Variants in MYO5C observed in about 807,000 individuals in gnomAD.
MYO5C encodes unconventional myosin-Vc.
MYO5C carries 194 observed loss-of-function variants against 235.7 expected under a neutral mutation model. The ratio of observed to expected loss-of-function variants is 0.82; its 90% confidence interval spans 0.73 to 0.93. The LOEUF (loss-of-function observed/expected upper bound fraction) is 0.93, where lower values mean the gene tolerates loss of function less well. MYO5C is among the 40% of genes least tolerant of loss of function. The pLI is 0.00. For missense variants in MYO5C, 2,038 were observed against 2,127.2 expected, an observed-to-expected ratio of 0.96 and a Z score of 0.82; for synonymous variants, 707 against 754.8, an observed-to-expected ratio of 0.94 and a Z score of 1.04.
Position 52,245,150 on chromosome 15 carries a change from G to A in MYO5C, c.2178+204C>T, listed in dbSNP as rs182747935. ...GAGGACACTGGGGAGGCCGGAGTTC[G>A]GATGTGGGTCCCTAACGGGGACTCA... On this transcript the variant is annotated intron_variant, in intron 18 of 40. Transcript: ENST00000261839. Among the ~76,000 whole-genome samples the A allele has an allele frequency of 2.5e-3, 382 of 152,302 alleles. 1 individual carries two copies. The highest frequency in any genetic ancestry group is 8.9e-3 in the African/African-American group (370 of 41,568).
chr15:52,238,567 G>A (rs1023916196), intron 21 of MYO5C, among the ~76,000 whole-genome samples: 2 of 152,222 alleles, frequency 1.3e-5, no homozygotes, highest in Admixed American at 6.5e-5. Flanking sequence ...GAGTTTTACG[G>A]ATCTAGACAC....
intron 38 of MYO5C, 84 bp from the exon 39 acceptor site, chr15:52,196,567 C>T (rs952113760): frequency 6.0e-6 from 8 of 1,329,566 alleles, no homozygotes; most frequent in East Asian, 2.3e-5. Context: ...TACCAGAGTT[C>T]GCTGAGATCC....
chr15:52,211,510 C>T (rs978583200), intron 35 of MYO5C, among the ~76,000 whole-genome samples: 3 of 152,182 alleles, frequency 2.0e-5, no homozygotes, highest in African/African-American at 7.2e-5. Flanking sequence ...GCAGTGGCTA[C>T]CAGGTTGCAG....
At chr15:52,241,379 C>T (rs1040760497) in intron 20 of MYO5C, among the ~76,000 whole-genome samples, 1 of 151,484 alleles carries the variant, frequency 6.6e-6, no homozygotes, top group African/African-American at 2.4e-5. Flanking sequence ...CCTGCCTCAG[C>T]CTCCCGAGCA....
intron 38 of MYO5C, among the ~76,000 whole-genome samples, chr15:52,199,424 G>A (rs1296966893): frequency 3.9e-5 from 6 of 152,180 alleles, no homozygotes; most frequent in Non-Finnish European, 4.4e-5. Context: ...AATGCATTCG[G>A]CAGCTATTTG....
intron 24 of MYO5C, among the ~76,000 whole-genome samples, chr15:52,229,938 T>C (rs1399266818): frequency 6.6e-6 from 1 of 151,518 alleles, no homozygotes; most frequent in Admixed American, 6.6e-5. Context: ...CCGGGTTCCA[T>C]GCAGTCCCCT....
intron 40 of MYO5C, 111 bp from the exon 41 acceptor site, chr15:52,194,165 C>G: frequency 1.0e-6 from 1 of 983,932 alleles, no homozygotes. Context: ...GCTCCTTGCA[C>G]CATCACATGA....
intron 1 of MYO5C, among the ~76,000 whole-genome samples, chr15:52,291,756 T>TTTTTTTTTTTTTTA (rs2037399411): frequency 7.7e-6 from 1 of 129,618 alleles, no homozygotes; most frequent in African/African-American, 3.0e-5. Context: ...TTTTTTTTTT[T>TTTTTTTTTTTTTTA]GAGACAGGGT....
intron 22 of MYO5C, 180 bp downstream of exon 22, chr15:52,237,302 C>G: frequency 1.5e-6 from 1 of 666,842 alleles, no homozygotes; most frequent in Non-Finnish European, 2.5e-6. Flanking sequence ...CTCCCTTCCC[C>G]TAGACTCTAA....
At chr15:52,254,771 A>G (rs1162469897) in intron 11 of MYO5C, among the ~76,000 whole-genome samples, 1 of 152,162 alleles carries the variant, frequency 6.6e-6, no homozygotes, top group Non-Finnish European at 1.5e-5. Context: ...GACATCTGGT[A>G]TAAGTGTCAC....
At position 52,193,234 on chromosome 15, in the gene MYO5C, A is replaced by G. The variant is rs2034973107; in HGVS notation, c.*668T>C. The G allele has an allele frequency of 6.7e-6, 1 of 149,842 alleles. No homozygotes were observed. Among genetic ancestry groups the G allele is most frequent in the Non-Finnish European group, 1.5e-5 (1 of 67,774 alleles). The allele number at this position is 149,842 out of a possible 1,614,324, so 9.3% of individuals were successfully genotyped here. A position where few individuals can be genotyped will look rare whatever the true frequency, so the allele number is the denominator to read the frequency against. On this transcript the variant is annotated 3_prime_UTR_variant, in exon 41 of 41. Coordinates refer to ENST00000261839, the MANE Select transcript of MYO5C (RefSeq NM_018728.4). Reference sequence around the variant, plus strand: ...AGGCTGAGGCAGGAGAATTGTTTGAACCCAGGAAGCGGAGGTTGCAATAAG... The same window carrying G: ...AGGCTGAGGCAGGAGAATTGTTTGAGCCCAGGAAGCGGAGGTTGCAATAAG...
At position 52,237,259 on chromosome 15, in the gene MYO5C, A is replaced by C. The variant is rs186612051; in HGVS notation, c.2868+223T>G. 44 of 440,586 alleles carry C rather than the reference A, an allele frequency of 1.0e-4. 1 individual carries two copies. The highest frequency in any genetic ancestry group is 7.9e-4 in the African/African-American group (39 of 49,360). The allele number at this position is 440,586 out of a possible 1,614,324, so 27.3% of individuals were successfully genotyped here. On this transcript the variant is annotated intron_variant, in intron 22 of 40. Coordinates refer to ENST00000261839, the MANE Select transcript of MYO5C (RefSeq NM_018728.4). Reference sequence around the variant, plus strand: ...TTTGCAAAACTTGAAAGAAAGAGAAAACCTATGTTGCATTTCTCTCATTAT... The same window carrying C: ...TTTGCAAAACTTGAAAGAAAGAGAACACCTATGTTGCATTTCTCTCATTAT...
At chr15:52,272,533 T>C (rs2036946729) in intron 6 of MYO5C, 47 bp downstream of exon 6, 3 of 1,593,386 alleles carry the variant, frequency 1.9e-6, no homozygotes, top group Non-Finnish European at 2.6e-6. Flanking sequence ...AGTATGTAAA[T>C]GTAAATAATG....
intron 11 of MYO5C, 56 bp downstream of exon 11, chr15:52,256,583 A>ACGCG (rs750543678): frequency 9.9e-5 from 91 of 914,668 alleles, no homozygotes; most frequent in South Asian, 1.5e-4. Context: ...ACACACACAC[A>ACGCG]CACACGCGCG....
In MYO5C at chr15:52,260,901, C is replaced by T. The variant is rs747384219; in HGVS notation, c.1274G>A (p.Gly425Asp). The change falls in exon 10 of 41, where the codon GGC (glycine) becomes GAC (aspartate). Residue 425 changes from glycine to aspartate, a missense_variant. Gly to Asp is a moderately conservative substitution (Grantham distance 94). Coordinates refer to ENST00000261839, the MANE Select transcript of MYO5C (RefSeq NM_018728.4). ...ERINQALQFS[G>D]KQHTFIGVLD... ...AACACCAATAAAAGTGTGCTGCTTG[C>T]CTGAAAACTGCAACGCTTGGTTAAT... 17 of 1,614,206 alleles carry T rather than the reference C, an allele frequency of 1.1e-5. No individual in the cohort carries two copies. Among genetic ancestry groups the T allele is most frequent in the Non-Finnish European group, 1.4e-5 (16 of 1,180,050 alleles).
chr15:52,294,854 T>C (rs2037464134), intron 1 of MYO5C, among the ~76,000 whole-genome samples: 1 of 152,328 alleles, frequency 6.6e-6, no homozygotes, highest in Non-Finnish European at 1.5e-5. Context: ...GCTCTAGTGT[T>C]TCCCAGAGTC....
In MYO5C at chr15:52,193,771, G is replaced by T; in HGVS notation, c.*131C>A. Reference sequence around the variant, plus strand: ...GTCACTGTGAGTGAGAGATGATGTGGTCCATTTGAGAAAAGTCTGTTTTCT... The same window carrying T: ...GTCACTGTGAGTGAGAGATGATGTGTTCCATTTGAGAAAAGTCTGTTTTCT... On this transcript the variant is annotated 3_prime_UTR_variant, in exon 41 of 41. Coordinates refer to ENST00000261839, the MANE Select transcript of MYO5C (RefSeq NM_018728.4). The T allele has an allele frequency of 2.2e-6, 2 of 904,812 alleles. No homozygotes were observed. Among genetic ancestry groups the T allele is most frequent in the Non-Finnish European group, 3.4e-6 (2 of 595,710 alleles). The allele number at this position is 904,812 out of a possible 1,614,324, so 56.0% of individuals were successfully genotyped here. A position where few individuals can be genotyped will look rare whatever the true frequency, so the allele number is the denominator to read the frequency against.
intron 5 of MYO5C, among the ~76,000 whole-genome samples, chr15:52,273,310 G>A (rs757765880): frequency 3.3e-5 from 5 of 152,186 alleles, no homozygotes; most frequent in Non-Finnish European, 5.9e-5. Context: ...GTAACTTAGC[G>A]AGACCCTGTC....
intron 38 of MYO5C, among the ~76,000 whole-genome samples, chr15:52,197,320 G>A (rs2035074119): frequency 6.6e-6 from 1 of 152,190 alleles, no homozygotes; most frequent in Non-Finnish European, 1.5e-5. Flanking sequence ...AAAGGAATGA[G>A]GTGCTGATAT....
Sources: gnomAD v4.1 joint callset for allele counts (sites outside exome capture counted in the v4.1 genomes callset) on GRCh38, gnomAD v4.1.1 for gene constraint, MANE v1.5 for transcripts, NCBI Gene and HGNC (gene_info 2026-07-23, HGNC 2026-07-21) for gene names.